The following STXBP6 variants were observed in gnomAD, a reference collection of about 807,000 sequenced individuals.
The protein encoded by STXBP6 is syntaxin binding protein 6, also known as syntaxin-binding protein 6.
In STXBP6, 21 loss-of-function variants were observed where a neutral mutation model predicts 26.9. That is an observed-to-expected ratio of 0.78 (90% confidence interval 0.55 to 1.12). The LOEUF (loss-of-function observed/expected upper bound fraction) is 1.12, where lower values mean the gene tolerates loss of function less well. Ranked by LOEUF, STXBP6 falls within the 50% of genes most tolerant of loss-of-function variation. STXBP6 has a pLI of 0.00. For synonymous variants in STXBP6, 97 were observed against 92.6 expected (o/e 1.05, Z -0.27); for missense variants, 232 against 257.9 (o/e 0.90, Z 0.69).
chr14:25,021,925 G>A (rs556719379), intron 1 of STXBP6, among the ~76,000 whole-genome samples: 1 of 152,146 alleles, frequency 6.6e-6, no homozygotes, highest in Non-Finnish European at 1.5e-5. Context: ...CAAGATAACT[G>A]TCAACAGATC....
intron 1 of STXBP6, among the ~76,000 whole-genome samples, chr14:25,039,881 T>C (rs2075615300): frequency 6.6e-6 from 1 of 151,940 alleles, no homozygotes; most frequent in African/African-American, 2.4e-5. Flanking sequence ...TAATTTTTTT[T>C]TATTTTTAGT....
Position 24,880,584 on chromosome 14 carries a change from T to C in STXBP6, c.155-23427A>G, listed in dbSNP as rs115036387. Among the ~76,000 whole-genome samples the C allele has an allele frequency of 7.1e-3, 1,078 of 152,248 alleles. 12 individuals are homozygous for C. The highest frequency in any genetic ancestry group is 0.025 in the African/African-American group (1,035 of 41,542). ...GTACATGATGCATTGCTCCCTACCA[T>C]CTGGTGCTGAGTATTTGGGCTCTGT... On this transcript the variant is annotated intron_variant, in intron 2 of 5. Transcript: ENST00000323944.
At chr14:24,845,243 A>G (rs980541670) in intron 4 of STXBP6, among the ~76,000 whole-genome samples, 7 of 151,960 alleles carry the variant, frequency 4.6e-5, no homozygotes, top group Admixed American at 4.6e-4. Flanking sequence ...CGATCTCCTG[A>G]CCTCGTGATC....
intron 1 of STXBP6, among the ~76,000 whole-genome samples, chr14:24,979,536 A>C (rs966587248): frequency 6.6e-6 from 1 of 152,212 alleles, no homozygotes; most frequent in African/African-American, 2.4e-5. Context: ...ACTTCTTTGC[A>C]TTACCACTTT....
intron 2 of STXBP6, among the ~76,000 whole-genome samples, chr14:24,915,089 C>T (rs1336070279): frequency 1.3e-5 from 2 of 152,054 alleles, no homozygotes; most frequent in South Asian, 2.1e-4. Flanking sequence ...TCAGAGCTAA[C>T]AAAAATACAC....
chr14:24,939,761 G>A (rs1022479781), intron 2 of STXBP6, among the ~76,000 whole-genome samples: 13 of 152,104 alleles, frequency 8.5e-5, no homozygotes, highest in Admixed American at 6.5e-4. Context: ...AACCCAACAC[G>A]TAATAAATAT....
At chr14:24,825,970 G>A (rs554095360) in intron 4 of STXBP6, among the ~76,000 whole-genome samples, 52 of 152,118 alleles carry the variant, frequency 3.4e-4, no homozygotes, top group Admixed American at 5.9e-4. Flanking sequence ...AGAATACAGG[G>A]AACACTTGTT....
At chr14:25,014,518 C>A (rs1164233146) in intron 1 of STXBP6, among the ~76,000 whole-genome samples, 1 of 152,212 alleles carries the variant, frequency 6.6e-6, no homozygotes, top group East Asian at 1.9e-4. Flanking sequence ...AAAATGTCTA[C>A]TTGTCTTCTC....
chr14:24,843,926 A>G (rs1326534088), intron 4 of STXBP6, among the ~76,000 whole-genome samples: 2 of 152,066 alleles, frequency 1.3e-5, no homozygotes, highest in Non-Finnish European at 2.9e-5. Context: ...ATAATACCTG[A>G]GTTTATGAGG....
intron 1 of STXBP6, among the ~76,000 whole-genome samples, chr14:25,039,303 A>C (rs2075604305): frequency 6.6e-6 from 1 of 152,222 alleles, no homozygotes; most frequent in Non-Finnish European, 1.5e-5. Context: ...TAAGTCTTGT[A>C]GTTCTATTAC....
chr14:24,878,763 C>A (rs2070242400), intron 2 of STXBP6: 1 of 451,256 alleles, frequency 2.2e-6, no homozygotes, highest in South Asian at 1.6e-5. Flanking sequence ...ATTAGCTGGT[C>A]TTCTCTCTAA....
chr14:24,827,163 C>T (rs531378562), intron 4 of STXBP6, among the ~76,000 whole-genome samples: 1 of 151,980 alleles, frequency 6.6e-6, no homozygotes, highest in Admixed American at 6.6e-5. Flanking sequence ...ATGGAGCCAC[C>T]GCACTCCAGT....
intron 1 of STXBP6, among the ~76,000 whole-genome samples, chr14:25,000,139 T>C (rs2074719248): frequency 6.6e-6 from 1 of 151,916 alleles, no homozygotes; most frequent in Non-Finnish European, 1.5e-5. Flanking sequence ...CTCGGCTCAC[T>C]GCAAGCTCCA....
intron 2 of STXBP6, among the ~76,000 whole-genome samples, chr14:24,882,193 A>C (rs1052123974): frequency 1.0e-4 from 15 of 150,342 alleles, no homozygotes; most frequent in Non-Finnish European, 2.1e-4. Flanking sequence ...TCCCGGCTAA[A>C]ACGGTGAAAC....
intron 2 of STXBP6, among the ~76,000 whole-genome samples, chr14:24,881,650 T>C (rs1265767513): frequency 6.6e-6 from 1 of 152,194 alleles, no homozygotes; most frequent in Non-Finnish European, 1.5e-5. Context: ...AGGGACAGAC[T>C]GAAAAATCAC....
chr14:24,961,032 G>A (rs2073519822), intron 2 of STXBP6, among the ~76,000 whole-genome samples: 2 of 152,150 alleles, frequency 1.3e-5, no homozygotes, highest in South Asian at 4.1e-4. Context: ...GTAAACATTG[G>A]CATCAGCTTT....
At chr14:24,882,725 A>T (rs1350998825) in intron 2 of STXBP6, among the ~76,000 whole-genome samples, 1 of 152,200 alleles carries the variant, frequency 6.6e-6, no homozygotes. Context: ...AAATTCATTG[A>T]TAGATAGAAC....
intron 1 of STXBP6, among the ~76,000 whole-genome samples, chr14:24,978,074 T>G (rs781473022): frequency 6.6e-6 from 1 of 152,222 alleles, no homozygotes; most frequent in Non-Finnish European, 1.5e-5. Context: ...ATGGTAATAA[T>G]GCACAGCAGA....
chr14:24,973,758 T>C (rs936441801), intron 2 of STXBP6, among the ~76,000 whole-genome samples: 2 of 152,160 alleles, frequency 1.3e-5, no homozygotes, highest in Non-Finnish European at 2.9e-5. Flanking sequence ...TCTTAGAAAT[T>C]TACATGTTCT....
Sources: gnomAD v4.1 joint callset for allele counts (sites outside exome capture counted in the v4.1 genomes callset) on GRCh38, gnomAD v4.1.1 for gene constraint, MANE v1.5 for transcripts, NCBI Gene and HGNC (gene_info 2026-07-23, HGNC 2026-07-21) for gene names.